POGZ: variants seen among roughly 807,000 people sequenced by gnomAD.
POGZ encodes pogo transposable element derived with ZNF domain.
In POGZ, 17 loss-of-function variants were observed where a neutral mutation model predicts 134.6. The observed-to-expected ratio is 0.13, with a 90% CI of 0.09 to 0.19. The LOEUF (loss-of-function observed/expected upper bound fraction) is 0.19, where lower values mean the gene tolerates loss of function less well. Among genes scored for constraint, POGZ ranks in the 10% least tolerant of loss-of-function variants. The probability of loss-of-function intolerance (pLI) is 1.00; values close to 1 mark genes in which losing one functional copy is unlikely to be tolerated. For synonymous variants in POGZ, 693 were observed against 657.1 expected (o/e 1.05, Z -0.84); for missense variants, 1,306 against 1,769.7 (o/e 0.74, Z 4.70).
chr1:151,452,526 AGT>A (rs1170587088), intron 1 of POGZ, among the ~76,000 whole-genome samples: 1 of 152,006 alleles, frequency 6.6e-6, no homozygotes, highest in Non-Finnish European at 1.5e-5. Context: ...TATAGATACT[AGT>A]ATGCCAACTT....
In POGZ at chr1:151,403,709, A is replaced by T; in HGVS notation, c.*1093T>A. ...CTAAGTATTAAGAGAAATAGGGGAAAGCCACAGAGCACGCTGGATTTCAAC... is the reference window on the plus strand; with the variant it reads ...CTAAGTATTAAGAGAAATAGGGGAATGCCACAGAGCACGCTGGATTTCAAC... On this transcript the variant is annotated 3_prime_UTR_variant, in exon 19 of 19. Transcript: ENST00000271715. 1 of 985,876 alleles carries T rather than the reference A, an allele frequency of 1.0e-6. No individual in the cohort carries two copies. The highest frequency in any genetic ancestry group is 1.2e-6 in the Non-Finnish European group (1 of 829,934). 61.1% of individuals were successfully genotyped at this position (985,876 alleles called of 1,614,324 possible).
intron 10 of POGZ, among the ~76,000 whole-genome samples, chr1:151,412,993 T>C (rs749343455): frequency 6.6e-6 from 1 of 152,134 alleles, no homozygotes; most frequent in African/African-American, 2.4e-5. Flanking sequence ...GAGACAATTT[T>C]TGGTAATTTC....
chr1:151,432,535 T>C (rs1053074048), intron 3 of POGZ, among the ~76,000 whole-genome samples: 7 of 152,212 alleles, frequency 4.6e-5, no homozygotes, highest in Admixed American at 1.3e-4. Flanking sequence ...AATTTATCTA[T>C]GGTGGGTTTT....
At chr1:151,458,222 CG>C (rs747776657) in intron 1 of POGZ, among the ~76,000 whole-genome samples, 42 of 152,062 alleles carry the variant, frequency 2.8e-4, no homozygotes, top group Non-Finnish European at 5.0e-4. Context: ...CGCAGAAAGA[CG>C]GAAAACAAAT....
At chr1:151,419,721 G>C (rs1013267899) in intron 10 of POGZ, among the ~76,000 whole-genome samples, 1 of 140,514 alleles carries the variant, frequency 7.1e-6, no homozygotes, top group African/African-American at 2.6e-5. Context: ...ATCTGTCAAG[G>C]GTGCAAAAAA....
intron 10 of POGZ, among the ~76,000 whole-genome samples, chr1:151,413,004 A>G (rs1654933971): frequency 6.6e-6 from 1 of 151,576 alleles, no homozygotes; most frequent in Non-Finnish European, 1.5e-5. Context: ...TGGTAATTTC[A>G]TGTTGGCCAG....
intron 1 of POGZ, among the ~76,000 whole-genome samples, chr1:151,453,726 T>C (rs1662429377): frequency 6.6e-6 from 1 of 152,124 alleles, no homozygotes; most frequent in South Asian, 2.1e-4. Flanking sequence ...CTTCAATCCA[T>C]AATATGGGAG....
intron 3 of POGZ, among the ~76,000 whole-genome samples, chr1:151,431,468 C>T (rs183346155): frequency 1.3e-5 from 2 of 152,284 alleles, no homozygotes; most frequent in South Asian, 2.1e-4. Context: ...ATTAATTCAG[C>T]AAGCACACAG....
Position 151,404,004 on chromosome 1 carries a change from G to A in POGZ, c.*798C>T, listed in dbSNP as rs1653145171. The A allele has an allele frequency of 3.6e-5, 35 of 985,252 alleles. No individual in the cohort carries two copies. The highest frequency in any genetic ancestry group is 4.7e-5 in the South Asian group (1 of 21,290). 61.0% of individuals were successfully genotyped at this position (985,252 alleles called of 1,614,324 possible). A position where few individuals can be genotyped will look rare whatever the true frequency, so the allele number is the denominator to read the frequency against. On this transcript the variant is annotated 3_prime_UTR_variant, in exon 19 of 19. Coordinates refer to ENST00000271715, the MANE Select transcript of POGZ (RefSeq NM_015100.4). ...ATGGATGGTGTTGAGAATGGGGAAA[G>A]GGGCCAAGGATCACAAGTGCAAAAA...
intron 1 of POGZ, among the ~76,000 whole-genome samples, chr1:151,442,820 C>G (rs1438931119): frequency 6.6e-6 from 1 of 151,526 alleles, no homozygotes; most frequent in African/African-American, 2.4e-5. Context: ...CACGAGGTCA[C>G]GAGTTCAAGA....
chr1:151,442,124 G>C lies in POGZ; in HGVS notation c.81C>G (p.Asp27Glu). The C allele has an allele frequency of 6.2e-7, 1 of 1,605,958 alleles. No individual in the cohort carries two copies. Among genetic ancestry groups the C allele is most frequent in the Non-Finnish European group, 8.5e-7 (1 of 1,172,610 alleles). The change falls in exon 2 of 19, where the codon GAC (aspartate) becomes GAG (glutamate). Residue 27 changes from aspartate to glutamate, a missense_variant. Physicochemically the swap from Asp to Glu is conservative, Grantham distance 45 (BLOSUM62 2). Coordinates refer to ENST00000271715, the MANE Select transcript of POGZ (RefSeq NM_015100.4). ...PWQKISDVIE[D>E]SVVEDYNSVD... The stretch of plus-strand genomic sequence containing the variant: ...CTGAATTATAATCTTCAACTACAGA[G>C]TCCTCAATGACATCACTGATTTTCT...
Position 151,423,527 on chromosome 1 carries a change from G to T in POGZ, c.1548C>A (p.His516Gln). The T allele has an allele frequency of 6.2e-7, 1 of 1,613,702 alleles. No homozygotes were observed. The highest frequency in any genetic ancestry group is 8.5e-7 in the Non-Finnish European group (1 of 1,179,674). ...NIRFMNHMKH[H>Q]VELDQQNGEV... is the part of the protein sequence containing the mutation. Reference sequence around the variant, plus strand: ...CACCGTTCTGCTGATCGAGTTCTACGTGGTGTTTCATATGGTTCATGAATC... The same window carrying T: ...CACCGTTCTGCTGATCGAGTTCTACTTGGTGTTTCATATGGTTCATGAATC... Residue 516 changes from histidine to glutamine, a missense_variant, in exon 10 of 19, where the codon CAC becomes CAA. By Grantham distance (24) the His-to-Gln change is conservative. Coordinates refer to ENST00000271715, the MANE Select transcript of POGZ (RefSeq NM_015100.4).
chr1:151,442,027 T>C (rs551392607), intron 2 of POGZ, 54 bp downstream of exon 2: 113 of 1,369,814 alleles, frequency 8.2e-5, no homozygotes, highest in South Asian at 6.1e-4. Context: ...TTAACCAAAA[T>C]ACCATTCAAT....
At chr1:151,448,925 A>G (rs181440202) in intron 1 of POGZ, among the ~76,000 whole-genome samples, 94 of 152,322 alleles carry the variant, frequency 6.2e-4, no homozygotes, top group African/African-American at 2.2e-3. Context: ...TGAACACAAG[A>G]TATAGACAGA....
Position 151,429,731 on chromosome 1 carries a change from G to C in POGZ, c.460-20C>G. 6.9e-7 allele frequency: 1 copy of C among 1,439,312 alleles called. No homozygotes were observed. The highest frequency in any genetic ancestry group is 9.8e-7 in the Non-Finnish European group (1 of 1,021,908). 89.2% of individuals were successfully genotyped at this position (1,439,312 alleles called of 1,614,324 possible). On this transcript the variant is annotated intron_variant, in intron 4 of 18. Transcript: ENST00000271715. The stretch of plus-strand genomic sequence containing the variant: ...AAATCCCTGTATTAAAAAGCAAAAT[G>C]ATCTTTAACATGGAGACCAATTAAC...
At chr1:151,458,458 T>C (rs1663038089) in intron 1 of POGZ, among the ~76,000 whole-genome samples, 1 of 151,958 alleles carries the variant, frequency 6.6e-6, no homozygotes, top group Non-Finnish European at 1.5e-5. Context: ...GATGTACTAT[T>C]AGACCAAGCA....
At chr1:151,418,037 AC>A (rs1376386633) in intron 10 of POGZ, among the ~76,000 whole-genome samples, 2 of 151,920 alleles carry the variant, frequency 1.3e-5, no homozygotes, top group East Asian at 3.9e-4. Context: ...ACATGGTAAA[AC>A]CCCGTCTCCA....
intron 1 of POGZ, among the ~76,000 whole-genome samples, chr1:151,447,593 A>G (rs1661457758): frequency 6.6e-6 from 1 of 151,030 alleles, no homozygotes; most frequent in African/African-American, 2.4e-5. Flanking sequence ...CTCTTGGGAC[A>G]AAGAGCTAAC....
chr1:151,424,129 G>A lies in POGZ; in HGVS notation c.1343C>T (p.Thr448Ile). ...GTTCTCATTTGGTTCTGGTACTTTG[G>A]TAGGCGGTGACAGAGCAGGAATAGG... ...STPIPALSPP[T>I]KVPEPNENVG... is the part of the protein sequence containing the mutation. Residue 448 changes from threonine to isoleucine, a missense_variant, in exon 9 of 19, where the codon ACC (threonine) becomes ATC (isoleucine). By Grantham distance (89) the Thr-to-Ile change is moderately conservative (BLOSUM62 -1). Transcript: ENST00000271715. 6.2e-7 allele frequency: 1 copy of A among 1,614,166 alleles called. No individual in the cohort carries two copies. The highest frequency in any genetic ancestry group is 8.5e-7 in the Non-Finnish European group (1 of 1,180,022).
Sources: gnomAD v4.1 joint callset for allele counts (sites outside exome capture counted in the v4.1 genomes callset) on GRCh38, gnomAD v4.1.1 for gene constraint, MANE v1.5 for transcripts, NCBI Gene and HGNC (gene_info 2026-07-23, HGNC 2026-07-21) for gene names.